Variants in TMEM161B observed in about 807,000 individuals in gnomAD.
TMEM161B encodes transmembrane protein 161B.
Under a neutral mutation model 61.8 loss-of-function variants are expected in TMEM161B, and 34 were observed. The ratio of observed to expected loss-of-function variants is 0.55; its 90% confidence interval spans 0.42 to 0.73. TMEM161B has a LOEUF of 0.73. Ranked by LOEUF, TMEM161B falls within the 30% of genes least tolerant of loss-of-function variation. The pLI, the probability that TMEM161B is intolerant of heterozygous loss-of-function variation, is 0.00. For missense variants in TMEM161B, 456 were observed against 558.5 expected (o/e 0.82, Z 1.85); for synonymous variants, 167 against 192.8 (o/e 0.87, Z 1.11).
chr5:88,192,442 AG>A (rs986300756), downstream of TMEM161B, among the ~76,000 whole-genome samples: 25 of 152,348 alleles, frequency 1.6e-4, no homozygotes, highest in African/African-American at 5.8e-4. Context: ...ACTTTAAAAA[AG>A]GAAAAGGTTG....
chr5:88,253,515 C>T (rs923438811), intron 1 of TMEM161B, among the ~76,000 whole-genome samples: 1 of 152,098 alleles, frequency 6.6e-6, no homozygotes, highest in South Asian at 2.1e-4. Flanking sequence ...CCTACCCGTA[C>T]AAAGACAAGG....
At position 88,195,395 on chromosome 5, in the gene TMEM161B, G is replaced by T. The variant is rs1749459717; in HGVS notation, c.*816C>A. On this transcript the variant is annotated 3_prime_UTR_variant, in exon 12 of 12. Transcript: ENST00000296595. Reference sequence around the variant, plus strand: ...ATATAATATATATACAATACATACAGGTAGTCAGCAGGTTTACAAAGTAAT... The same window carrying T: ...ATATAATATATATACAATACATACATGTAGTCAGCAGGTTTACAAAGTAAT... 2.4e-6 allele frequency: 2 copies of T among 839,060 alleles called. No homozygotes were observed. Among genetic ancestry groups the T allele is most frequent in the South Asian group, 5.5e-5 (1 of 18,188 alleles). The allele number at this position is 839,060 out of a possible 1,614,324, so 52.0% of individuals were successfully genotyped here.
chr5:88,239,776 T>C (rs750549250), intron 2 of TMEM161B, among the ~76,000 whole-genome samples: 7 of 151,888 alleles, frequency 4.6e-5, no homozygotes, highest in Non-Finnish European at 8.8e-5. Flanking sequence ...AGAAAATAAA[T>C]TATGTGAAGG....
intron 1 of TMEM161B, among the ~76,000 whole-genome samples, chr5:88,243,793 G>A (rs906100107): frequency 1.3e-5 from 2 of 151,856 alleles, no homozygotes; most frequent in African/African-American, 4.8e-5. Flanking sequence ...CACCTTGACT[G>A]GTGTGAGATG....
intron 5 of TMEM161B, among the ~76,000 whole-genome samples, chr5:88,218,600 T>C (rs1056834707): frequency 6.6e-6 from 1 of 152,132 alleles, no homozygotes; most frequent in African/African-American, 2.4e-5. Context: ...CTGGGCAAGC[T>C]GGGGAGACCC....
intron 5 of TMEM161B, among the ~76,000 whole-genome samples, chr5:88,209,575 T>C (rs1351177695): frequency 6.6e-6 from 1 of 152,222 alleles, no homozygotes; most frequent in Non-Finnish European, 1.5e-5. Context: ...CTTGCACTTA[T>C]CACTAATACT....
chr5:88,209,641 A>G (rs1746286771), intron 5 of TMEM161B, among the ~76,000 whole-genome samples: 1 of 152,156 alleles, frequency 6.6e-6, no homozygotes, highest in Admixed American at 6.5e-5. Flanking sequence ...TCCTCACTTC[A>G]TATTGCATAC....
chr5:88,225,742 AG>A, intron 4 of TMEM161B, 26 bp downstream of exon 4: 1 of 1,433,638 alleles, frequency 7.0e-7, no homozygotes, highest in Non-Finnish European at 9.7e-7. Context: ...TGAGATTTAT[AG>A]AACATTTTAT....
intron 3 of TMEM161B, 45 bp downstream of exon 3, chr5:88,228,400 A>T (rs1299840299): frequency 2.3e-6 from 3 of 1,320,442 alleles, no homozygotes; most frequent in Non-Finnish European, 3.2e-6. Context: ...TATTTATATA[A>T]ATTGTGTTAA....
chr5:88,249,625 A>G (rs1754070231), intron 1 of TMEM161B, among the ~76,000 whole-genome samples: 1 of 151,948 alleles, frequency 6.6e-6, no homozygotes, highest in Non-Finnish European at 1.5e-5. Context: ...AAGCATCCCT[A>G]CTCCCCAGAA....
chr5:88,241,189 G>A (rs1752674863), intron 1 of TMEM161B, among the ~76,000 whole-genome samples: 1 of 151,664 alleles, frequency 6.6e-6, no homozygotes, highest in Non-Finnish European at 1.5e-5. Flanking sequence ...CATTGTATTA[G>A]GTATTATAAG....
chr5:88,193,530 A>T (rs1749182301), downstream of TMEM161B, among the ~76,000 whole-genome samples: 1 of 152,170 alleles, frequency 6.6e-6, no homozygotes, highest in Non-Finnish European at 1.5e-5. Flanking sequence ...AAGGCTAAAA[A>T]AACTAAACCA....
At chr5:88,232,021 T>A (rs1751073745) in intron 2 of TMEM161B, among the ~76,000 whole-genome samples, 1 of 152,178 alleles carries the variant, frequency 6.6e-6, no homozygotes, top group African/African-American at 2.4e-5. Context: ...CTGTGTGTCA[T>A]TCCAGCAATT....
chr5:88,223,906 AAAAC>A (rs956642788), intron 4 of TMEM161B, among the ~76,000 whole-genome samples: 3 of 152,096 alleles, frequency 2.0e-5, no homozygotes, highest in African/African-American at 7.2e-5. Context: ...ATAAAAAAAA[AAAAC>A]AGTCTAAATC....
chr5:88,226,492 C>A (rs1335478766), intron 3 of TMEM161B, among the ~76,000 whole-genome samples: 2 of 152,170 alleles, frequency 1.3e-5, no homozygotes, highest in Non-Finnish European at 2.9e-5. Context: ...TTTAGACACA[C>A]AGTTGCCCAG....
At chr5:88,188,968 C>G (rs1748538842), downstream of TMEM161B, among the ~76,000 whole-genome samples, 4 of 152,168 alleles carry the variant, frequency 2.6e-5, no homozygotes. Context: ...AATGGCTTCT[C>G]TCCTCATTCC....
intron 1 of TMEM161B, among the ~76,000 whole-genome samples, chr5:88,248,478 A>T (rs887048085): frequency 1.3e-5 from 2 of 152,128 alleles, no homozygotes; most frequent in African/African-American, 4.8e-5. Context: ...AAAAGTAAAA[A>T]AAGTCAGATA....
chr5:88,185,715 C>A (rs1748328380), downstream of TMEM161B, among the ~76,000 whole-genome samples: 1 of 151,982 alleles, frequency 6.6e-6, no homozygotes, highest in African/African-American at 2.4e-5. Context: ...AGTTAAATAC[C>A]AGACAGGATG....
chr5:88,214,069 AAAC>A (rs1172445537), intron 5 of TMEM161B, among the ~76,000 whole-genome samples: 3 of 152,228 alleles, frequency 2.0e-5, no homozygotes, highest in Non-Finnish European at 2.9e-5. Context: ...CAGCAAATAA[AAAC>A]AACATTTGTA....
Sources: allele counts gnomAD v4.1 joint callset (sites outside exome capture counted in the v4.1 genomes callset), GRCh38; gene constraint gnomAD v4.1.1; transcripts MANE v1.5; gene names NCBI Gene and HGNC (gene_info 2026-07-23, HGNC 2026-07-21).